The following UIMC1 variants were observed in gnomAD, a reference collection of about 807,000 sequenced individuals.
UIMC1 encodes the protein ubiquitin interaction motif containing 1.
A neutral mutation model predicts 84.9 loss-of-function variants in UIMC1; 42 were observed. That is an observed-to-expected ratio of 0.49 (90% CI 0.39 to 0.64). The LOEUF (loss-of-function observed/expected upper bound fraction) is 0.64. Among genes scored for constraint, UIMC1 ranks in the 30% least tolerant of loss-of-function variants. UIMC1 has a pLI of 0.00. For synonymous variants in UIMC1, 281 were observed against 293.0 expected (o/e 0.96, Z 0.42); for missense variants, 825 against 847.6 (o/e 0.97, Z 0.33).
chr5:176,908,327 C>A (rs555529496), intron 12 of UIMC1, among the ~76,000 whole-genome samples, 196 bp downstream of exon 12: 1 of 152,148 alleles, frequency 6.6e-6, no homozygotes, highest in African/African-American at 2.4e-5. Context: ...TTTGAACTTT[C>A]CATATTCTCT....
At chr5:176,914,084 C>CACCACACCACACCACACCACACCAT (rs1554106322) in intron 10 of UIMC1, among the ~76,000 whole-genome samples, 4 of 149,734 alleles carry the variant, frequency 2.7e-5, no homozygotes, top group African/African-American at 1.0e-4. Context: ...CACCACACCA[C>CACCACACCACACCACACCACACCAT]ACCATACCAT....
intron 10 of UIMC1, among the ~76,000 whole-genome samples, chr5:176,942,366 C>T (rs1764540791): frequency 6.6e-6 from 1 of 152,108 alleles, no homozygotes; most frequent in South Asian, 2.1e-4. Flanking sequence ...TATTTGAATA[C>T]ATAAGTTGAA....
chr5:176,998,800 T>A (rs1319404527), intron 1 of UIMC1, among the ~76,000 whole-genome samples: 1 of 152,042 alleles, frequency 6.6e-6, no homozygotes, highest in Non-Finnish European at 1.5e-5. Context: ...AACAAAAAAT[T>A]ATACAAACCT....
intron 8 of UIMC1, among the ~76,000 whole-genome samples, chr5:176,954,039 T>C (rs949119149): frequency 1.3e-5 from 2 of 152,200 alleles, no homozygotes; most frequent in African/African-American, 4.8e-5. Context: ...AATGAATACC[T>C]TTTGCAATCT....
intron 10 of UIMC1, chr5:176,919,256 G>A (rs909782983): frequency 1.7e-5 from 5 of 299,994 alleles, no homozygotes; most frequent in African/African-American, 1.2e-4. Flanking sequence ...TCCAGCCTGG[G>A]CAACAGAAAG....
chr5:176,987,022 C>A (rs922696197), intron 1 of UIMC1, among the ~76,000 whole-genome samples: 1 of 152,044 alleles, frequency 6.6e-6, no homozygotes. Flanking sequence ...GAGTTTGAGA[C>A]TAGCCTGGCC....
chr5:176,959,702 C>T lies in UIMC1; in HGVS notation c.1201-1548G>A, dbSNP rs373051997. ...CTGCACTCCAGCCTGGGCGACAGAG[C>T]GAGACTCCGTCTCAAAAAAAAAAAA... On this transcript the variant is annotated intron_variant, in intron 6 of 14. Transcript: ENST00000511320. 3.6e-4 allele frequency among the ~76,000 whole-genome samples: 43 copies of T among 117,910 alleles called. No homozygotes were observed. The East Asian group carries it at 7.7e-3, about 21-fold the overall frequency. The allele number at this position is 117,910 out of a possible 152,430, so 77.4% of individuals were successfully genotyped here.
intron 6 of UIMC1, among the ~76,000 whole-genome samples, chr5:176,959,445 G>A (rs984750031): frequency 2.0e-5 from 3 of 152,130 alleles, no homozygotes; most frequent in Non-Finnish European, 4.4e-5. Flanking sequence ...GGCCGGGCGC[G>A]GTGGCTCACG....
chr5:176,931,184 CTTGA>C (rs1763043277), intron 10 of UIMC1, among the ~76,000 whole-genome samples: 1 of 151,938 alleles, frequency 6.6e-6, no homozygotes, highest in Admixed American at 6.6e-5. Context: ...TAATTATAGT[CTTGA>C]TTGTGGCTCT....
In UIMC1 at chr5:176,957,640, CAA is replaced by C. The variant is rs560128140; in HGVS notation, c.1262+451_1262+452del. Among the ~76,000 whole-genome samples the C allele has an allele frequency of 6.3e-4, 95 of 151,926 alleles. 1 individual carries two copies. The highest frequency in any genetic ancestry group is 2.2e-3 in the African/African-American group (90 of 41,392). ...AGACTTTGAAGAGGATGTTAAGTCT[CAA>C]GAGTAAATTTAAAAGATGTATAAGG... On this transcript the variant is annotated intron_variant, in intron 7 of 14. Coordinates refer to ENST00000511320, the MANE Select transcript of UIMC1 (RefSeq NM_001199298.2).
intron 7 of UIMC1, among the ~76,000 whole-genome samples, chr5:176,956,453 C>T (rs563794549): frequency 1.3e-5 from 2 of 152,330 alleles, no homozygotes; most frequent in East Asian, 3.9e-4. Context: ...TCTGACAACA[C>T]ACTTTCTCCT....
chr5:176,987,457 CCAA>C (rs1038608982), intron 1 of UIMC1, among the ~76,000 whole-genome samples: 2 of 151,348 alleles, frequency 1.3e-5, no homozygotes, highest in African/African-American at 4.9e-5. Context: ...ACCAGCCTGG[CCAA>C]CATGGTGAAA....
chr5:176,925,513 T>C (rs557260762), intron 10 of UIMC1, among the ~76,000 whole-genome samples: 1 of 152,202 alleles, frequency 6.6e-6, no homozygotes, highest in East Asian at 1.9e-4. Context: ...CTATACAACC[T>C]GTACAAGAAT....
chr5:176,976,551 C>G (rs537936062), intron 2 of UIMC1, among the ~76,000 whole-genome samples: 2 of 152,180 alleles, frequency 1.3e-5, no homozygotes, highest in South Asian at 4.2e-4. Flanking sequence ...AAACCGGAAC[C>G]CTAGTACACT....
chr5:176,914,600 A>C (rs1203198133), intron 10 of UIMC1, among the ~76,000 whole-genome samples: 5 of 152,250 alleles, frequency 3.3e-5, no homozygotes. Context: ...GATATGCGTA[A>C]TAAAACAAGA....
chr5:177,008,914 C>A (rs1775485445), upstream of UIMC1, among the ~76,000 whole-genome samples: 1 of 152,092 alleles, frequency 6.6e-6, no homozygotes, highest in South Asian at 2.1e-4. Flanking sequence ...ACTCACAGGG[C>A]AACAGCTTGA....
chr5:176,987,874 A>C (rs1772260308), intron 1 of UIMC1, among the ~76,000 whole-genome samples: 1 of 151,894 alleles, frequency 6.6e-6, no homozygotes. Flanking sequence ...AGTGGGCTGT[A>C]ATCCCAAAAC....
At chr5:176,957,612 T>C (rs1196621036) in intron 7 of UIMC1, among the ~76,000 whole-genome samples, 2 of 152,118 alleles carry the variant, frequency 1.3e-5, no homozygotes, top group Non-Finnish European at 2.9e-5. Context: ...CTGAATAATA[T>C]GAAGACTTTG....
chr5:176,948,856 A>C (rs1393719456), intron 9 of UIMC1, among the ~76,000 whole-genome samples: 2 of 152,214 alleles, frequency 1.3e-5, no homozygotes, highest in African/African-American at 4.8e-5. Flanking sequence ...CAAATGACCT[A>C]CACAGATCCC....
Sources: allele counts gnomAD v4.1 joint callset (sites outside exome capture counted in the v4.1 genomes callset), GRCh38; gene constraint gnomAD v4.1.1; transcripts MANE v1.5; gene names NCBI Gene and HGNC (gene_info 2026-07-23, HGNC 2026-07-21).